Variants in DPP6 observed in about 807,000 individuals in gnomAD.
DPP6 encodes dipeptidyl peptidase like 6.
DPP6 carries 69 observed loss-of-function variants against 122.6 expected under a neutral mutation model. The observed-to-expected ratio is 0.56, with a 90% confidence interval of 0.46 to 0.69. The LOEUF (loss-of-function observed/expected upper bound fraction) is 0.69. Ranked by LOEUF, DPP6 falls within the 30% of genes least tolerant of loss-of-function variation. The probability of loss-of-function intolerance (pLI) is 0.00; values close to 1 mark genes in which losing one functional copy is unlikely to be tolerated. For synonymous variants in DPP6, 418 were observed against 433.1 expected (o/e 0.97, Z 0.43); for missense variants, 928 against 1,116.9 (o/e 0.83, Z 2.41).
intron 5 of DPP6, among the ~76,000 whole-genome samples, chr7:154,597,345 T>A (rs1390009588): frequency 6.6e-6 from 1 of 152,114 alleles, no homozygotes; most frequent in African/African-American, 2.4e-5. Context: ...GGCTCATGCC[T>A]GTAATCCCAG....
intron 1 of DPP6, among the ~76,000 whole-genome samples, chr7:153,961,808 A>ACAT (rs60070605): frequency 4.9e-4 from 26 of 53,584 alleles, no homozygotes; most frequent in East Asian, 0.019. Flanking sequence ...TAGATCCCTC[A>ACAT]GTTCACAGTA....
In DPP6 at chr7:154,807,005, T is replaced by C; in HGVS notation, c.1559T>C (p.Val520Ala). The C allele has an allele frequency of 6.2e-7, 1 of 1,613,866 alleles. No homozygotes were observed. The highest frequency in any genetic ancestry group is 8.5e-7 in the Non-Finnish European group (1 of 1,179,842). ...RRRQLYSANT[V>A]GNFNRQCLSC... ...CTTTGCTCTTCCAGTGCCAACACGG[T>C]GGGCAACTTCAACAGGCAGTGCCTC... is the stretch of plus-strand genomic sequence containing the variant. Residue 520 changes from valine (V) to alanine (A), a missense_variant, in exon 16 of 26, where the codon GTG (valine) becomes GCG (alanine). Val to Ala is a moderately conservative substitution (Grantham distance 64). Coordinates refer to ENST00000377770, the MANE Select transcript of DPP6 (RefSeq NM_130797.4).
intron 1 of DPP6, among the ~76,000 whole-genome samples, chr7:154,430,948 G>T (rs1818306016): frequency 6.6e-6 from 1 of 152,134 alleles, no homozygotes; most frequent in Admixed American, 6.5e-5. Flanking sequence ...AGTTCAACGT[G>T]TGAAAATGTC....
At chr7:153,812,015 C>T in the DPP6 span, among the ~76,000 whole-genome samples, 3 of 150,552 alleles carry the variant, frequency 2.0e-5, no homozygotes, top group East Asian at 2.0e-4. Flanking sequence ...GTGTTTTTAC[C>T]GCCCAAATGC....
At chr7:153,831,467 G>A in the DPP6 span, among the ~76,000 whole-genome samples, 1 of 152,122 alleles carries the variant, frequency 6.6e-6, no homozygotes, top group African/African-American at 2.4e-5. Flanking sequence ...CAGAGAGGAG[G>A]TCAGTGAGGC....
At chr7:154,072,850 G>A (rs1445780374) in intron 1 of DPP6, among the ~76,000 whole-genome samples, 8 of 152,290 alleles carry the variant, frequency 5.3e-5, no homozygotes, top group Non-Finnish European at 8.8e-5. Flanking sequence ...GAAGCCACAG[G>A]CCCTCACTTA....
At chr7:154,853,712 T>TTCTTC (rs386411739) in intron 16 of DPP6, 68 bp from the exon 17 acceptor site, 1 of 1,588,888 alleles carries the variant, frequency 6.3e-7, no homozygotes, top group East Asian at 2.2e-5. Flanking sequence ...AAAGCCTGTT[T>TTCTTC]TCTTGTTCTC....
At chr7:153,943,275 T>C (rs1180439870) in intron 1 of DPP6, among the ~76,000 whole-genome samples, 1 of 152,226 alleles carries the variant, frequency 6.6e-6, no homozygotes, top group African/African-American at 2.4e-5. Context: ...GGCAGAGGTC[T>C]TCCCTTGCCT....
intron 5 of DPP6, among the ~76,000 whole-genome samples, chr7:154,576,711 A>G (rs945335064): frequency 2.0e-5 from 3 of 152,130 alleles, no homozygotes; most frequent in Non-Finnish European, 2.9e-5. Flanking sequence ...ATGCGCGGGA[A>G]ATACCAGGCT....
chr7:154,255,565 T>G (rs1262076106), intron 1 of DPP6, among the ~76,000 whole-genome samples: 1 of 151,286 alleles, frequency 6.6e-6, no homozygotes, highest in Non-Finnish European at 1.5e-5. Context: ...CAGGCAGACG[T>G]GGGGGAGGCC....
intron 1 of DPP6, among the ~76,000 whole-genome samples, chr7:153,921,467 C>T (rs1800634974): frequency 6.6e-6 from 1 of 152,160 alleles, no homozygotes; most frequent in South Asian, 2.1e-4. Context: ...ATGAATAAAG[C>T]ACATAACTCA....
At chr7:153,857,713 AAC>A in the DPP6 span, among the ~76,000 whole-genome samples, 5 of 152,228 alleles carry the variant, frequency 3.3e-5, no homozygotes, top group African/African-American at 7.2e-5. Context: ...TTAGAATATA[AAC>A]ACATATCTAC....
the DPP6 span, among the ~76,000 whole-genome samples, chr7:153,851,203 T>C: frequency 1.1e-4 from 17 of 152,336 alleles, 1 homozygote; most frequent in Admixed American, 9.8e-4. Flanking sequence ...GACTATTTGG[T>C]ATTTGGAATT....
intron 4 of DPP6, among the ~76,000 whole-genome samples, chr7:154,559,707 AG>A: frequency 6.6e-6 from 1 of 152,008 alleles, no homozygotes; most frequent in East Asian, 1.9e-4. Context: ...AAGTGCTGGG[AG>A]GCATAAAACA....
chr7:154,304,411 G>A (rs1242405801), intron 1 of DPP6, among the ~76,000 whole-genome samples: 2 of 152,230 alleles, frequency 1.3e-5, no homozygotes, highest in Non-Finnish European at 2.9e-5. Context: ...GGCAGGGGCA[G>A]TGGTACCTGG....
At chr7:154,186,279 T>A (rs577114836) in intron 1 of DPP6, among the ~76,000 whole-genome samples, 2 of 152,324 alleles carry the variant, frequency 1.3e-5, no homozygotes, top group South Asian at 4.1e-4. Context: ...CATACTTGGG[T>A]CTGGCTCTGG....
chr7:154,841,147 G>A (rs907524011), intron 16 of DPP6, among the ~76,000 whole-genome samples: 17 of 152,190 alleles, frequency 1.1e-4, no homozygotes, highest in South Asian at 2.1e-4. Flanking sequence ...ATCTGAGGGC[G>A]AGGGTCATAC....
chr7:154,872,573 C>T (rs983619149), intron 18 of DPP6, 51 bp from the exon 19 acceptor site: 5 of 1,557,778 alleles, frequency 3.2e-6, no homozygotes, highest in South Asian at 2.4e-5. Context: ...TGCCCGATAC[C>T]CCGTGGCCAG....
chr7:154,756,364 C>T (rs1843669493), intron 8 of DPP6, among the ~76,000 whole-genome samples: 1 of 151,944 alleles, frequency 6.6e-6, no homozygotes, highest in Non-Finnish European at 1.5e-5. Flanking sequence ...GCCCCCGAGG[C>T]TGGCATGCAG....
Sources: allele counts gnomAD v4.1 joint callset (sites outside exome capture counted in the v4.1 genomes callset), GRCh38; gene constraint gnomAD v4.1.1; transcripts MANE v1.5; gene names NCBI Gene and HGNC (gene_info 2026-07-23, HGNC 2026-07-21).